Variants in ANKS1B observed in about 807,000 individuals in gnomAD.
ANKS1B encodes ankyrin repeat and sterile alpha motif domain-containing protein 1B.
In ANKS1B, 36 loss-of-function variants were observed where a neutral mutation model predicts 148.3. That is an observed-to-expected ratio of 0.24 (90% CI 0.19 to 0.32). The LOEUF (loss-of-function observed/expected upper bound fraction) is 0.32. Ranked by LOEUF, ANKS1B falls within the 10% of genes least tolerant of loss-of-function variation. The pLI, the probability that ANKS1B is intolerant of heterozygous loss-of-function variation, is 1.00. For missense variants in ANKS1B, 1,157 were observed against 1,542.6 expected (o/e 0.75, Z 4.19); for synonymous variants, 542 against 560.8 (o/e 0.97, Z 0.47).
intron 6 of ANKS1B, among the ~76,000 whole-genome samples, chr12:99,779,427 T>C (rs1389085025): frequency 1.3e-5 from 2 of 152,192 alleles, no homozygotes; most frequent in Non-Finnish European, 2.9e-5. Flanking sequence ...AGAGCCTCAG[T>C]TTCCCTTATG....
intron 16 of ANKS1B, among the ~76,000 whole-genome samples, chr12:99,080,944 A>T (rs1342309807): frequency 6.6e-6 from 1 of 152,212 alleles, no homozygotes; most frequent in African/African-American, 2.4e-5. Flanking sequence ...AAGCTTTTAG[A>T]GCTGAGAAAA....
chr12:99,865,103 A>G (rs2090552867), intron 1 of ANKS1B, among the ~76,000 whole-genome samples: 1 of 152,236 alleles, frequency 6.6e-6, no homozygotes, highest in Admixed American at 6.5e-5. Flanking sequence ...TTGGTGTCCT[A>G]CACATGCAAA....
intron 17 of ANKS1B, among the ~76,000 whole-genome samples, chr12:98,885,978 A>G (rs1253972642): frequency 6.6e-6 from 1 of 152,126 alleles, no homozygotes; most frequent in Non-Finnish European, 1.5e-5. Context: ...CACGGCAGAT[A>G]TGCAAGCATT....
At chr12:99,764,664 C>A (rs2062476155) in intron 8 of ANKS1B, among the ~76,000 whole-genome samples, 1 of 152,174 alleles carries the variant, frequency 6.6e-6, no homozygotes, top group Non-Finnish European at 1.5e-5. Context: ...CTCAGGTGAT[C>A]CTCCAGTCTC....
chr12:99,479,957 C>T (rs572817395), intron 10 of ANKS1B, among the ~76,000 whole-genome samples: 2 of 151,514 alleles, frequency 1.3e-5, no homozygotes, highest in Non-Finnish European at 3.0e-5. Flanking sequence ...TTGATTTATC[C>T]ATTCCATTAT....
chr12:99,289,462 A>C lies in ANKS1B; in HGVS notation c.1757-42598T>G, dbSNP rs559812991. On this transcript the variant is annotated intron_variant, in intron 12 of 26. Transcript: ENST00000683438. Reference sequence around the variant, plus strand: ...AAACATTTCATCCAATGGCTGCAGAATACACATTCTTCTCCTCAGCACGTG... The same window carrying C: ...AAACATTTCATCCAATGGCTGCAGACTACACATTCTTCTCCTCAGCACGTG... Among the ~76,000 whole-genome samples, 4 of 152,242 alleles carry C rather than the reference A, an allele frequency of 2.6e-5. No individual in the cohort carries two copies. The South Asian group carries it at 6.2e-4, about 24-fold the overall frequency.
chr12:99,802,472 T>G (rs2153657664), intron 4 of ANKS1B, among the ~76,000 whole-genome samples: 1 of 152,244 alleles, frequency 6.6e-6, no homozygotes, highest in South Asian at 2.1e-4. Flanking sequence ...ATTTAAAGAC[T>G]AAAGGGTTTA....
chr12:99,669,025 T>C (rs1353684348), intron 8 of ANKS1B, among the ~76,000 whole-genome samples: 2 of 152,172 alleles, frequency 1.3e-5, no homozygotes, highest in Non-Finnish European at 2.9e-5. Flanking sequence ...TGTCACCTCT[T>C]CCTTTAAACC....
rs2064386952 is a variant in ANKS1B at position 99,782,038 on chromosome 12, T to C, written c.729A>G (p.Arg243=). Residue 243 remains arginine, a synonymous_variant, in exon 5 of 27, where the codon CGA becomes CGG. Transcript: ENST00000683438. ...AALFGKVDVV[R]VLLETGIDAN... is the part of the protein sequence containing the mutation. The stretch of plus-strand genomic sequence containing the variant: ...AATAGTTACCTGTTTCTAACAGAAC[T>C]CGTACAACATCCACCTTTCCAAACA... The C allele has an allele frequency of 6.2e-7, 1 of 1,605,052 alleles. No homozygotes were observed. The highest frequency in any genetic ancestry group is 1.7e-5 in the Admixed American group (1 of 58,876).
At chr12:99,050,109 T>G (rs1279211594) in intron 17 of ANKS1B, among the ~76,000 whole-genome samples, 3 of 152,194 alleles carry the variant, frequency 2.0e-5, no homozygotes, top group African/African-American at 7.2e-5. Flanking sequence ...CAACAAACTA[T>G]GCATTCTTAG....
chr12:99,668,799 A>C (rs1447166654), intron 8 of ANKS1B, among the ~76,000 whole-genome samples: 1 of 151,170 alleles, frequency 6.6e-6, no homozygotes, highest in Non-Finnish European at 1.5e-5. Flanking sequence ...ATTGCATGAT[A>C]TTTTTTCACA....
At chr12:99,795,855 A>G (rs1387292325) in intron 4 of ANKS1B, among the ~76,000 whole-genome samples, 1 of 152,048 alleles carries the variant, frequency 6.6e-6, no homozygotes, top group Non-Finnish European at 1.5e-5. Flanking sequence ...CGTGCACTAT[A>G]GCTGTAACTT....
At chr12:99,335,167 C>A (rs1019438053) in intron 12 of ANKS1B, among the ~76,000 whole-genome samples, 4 of 151,384 alleles carry the variant, frequency 2.6e-5, no homozygotes, top group Non-Finnish European at 5.9e-5. Flanking sequence ...TCCTAGTTTT[C>A]TTCTTCAGTT....
At chr12:99,374,745 T>C (rs941289705) in intron 12 of ANKS1B, among the ~76,000 whole-genome samples, 4 of 152,210 alleles carry the variant, frequency 2.6e-5, no homozygotes, top group African/African-American at 7.2e-5. Context: ...TATGGTTATC[T>C]AAAAGATCTT....
intron 11 of ANKS1B, among the ~76,000 whole-genome samples, chr12:99,407,988 GA>G (rs1343892736): frequency 1.4e-5 from 2 of 145,596 alleles, no homozygotes; most frequent in Non-Finnish European, 3.0e-5. Flanking sequence ...CACAGAAATG[GA>G]AAAAACAATC....
At chr12:99,562,319 T>C (rs528637422) in intron 9 of ANKS1B, among the ~76,000 whole-genome samples, 12 of 152,310 alleles carry the variant, frequency 7.9e-5, no homozygotes, top group African/African-American at 2.9e-4. Context: ...GGCTTCAACT[T>C]AGAATCACCA....
chr12:99,574,160 A>G (rs1451711918), intron 9 of ANKS1B, among the ~76,000 whole-genome samples: 1 of 152,148 alleles, frequency 6.6e-6, no homozygotes, highest in Non-Finnish European at 1.5e-5. Flanking sequence ...TCAGAGGTAC[A>G]TAAAGAATCC....
intron 11 of ANKS1B, among the ~76,000 whole-genome samples, chr12:99,422,166 A>C (rs1464317245): frequency 6.6e-6 from 1 of 152,222 alleles, no homozygotes; most frequent in Admixed American, 6.5e-5. Flanking sequence ...CAAAACATAA[A>C]GATGGATGTT....
chr12:99,254,089 G>A (rs1602105563), intron 12 of ANKS1B, among the ~76,000 whole-genome samples: 1 of 152,156 alleles, frequency 6.6e-6, no homozygotes, highest in Admixed American at 6.5e-5. Context: ...TAAATGCAAC[G>A]TGTGATCCTG....
Sources: allele counts gnomAD v4.1 joint callset (sites outside exome capture counted in the v4.1 genomes callset), GRCh38; gene constraint gnomAD v4.1.1; transcripts MANE v1.5; gene names NCBI Gene and HGNC (gene_info 2026-07-23, HGNC 2026-07-21).